The following RUNX2 variants were observed in gnomAD, a reference collection of about 807,000 sequenced individuals.
RUNX2 encodes the protein runt-related transcription factor 2.
Under a neutral mutation model 51.7 loss-of-function variants are expected in RUNX2, and 10 were observed. That is an observed-to-expected ratio of 0.19 (90% CI 0.12 to 0.33). The LOEUF (loss-of-function observed/expected upper bound fraction) is 0.33. RUNX2 is among the 10% of genes least tolerant of loss of function. The pLI, the probability that RUNX2 is intolerant of heterozygous loss-of-function variation, is 1.00. For missense variants in RUNX2, 562 were observed against 691.3 expected (o/e 0.81, Z 2.10); for synonymous variants, 276 against 273.6 (o/e 1.01, Z -0.09).
In RUNX2 at chr6:45,466,848, G is replaced by A. The variant is rs534092630; in HGVS notation, c.686-25093G>A. Among the ~76,000 whole-genome samples, 6 of 152,238 alleles carry A rather than the reference G, an allele frequency of 3.9e-5. No individual in the cohort carries two copies. The East Asian group carries it at 5.8e-4, about 15-fold the overall frequency. Reference sequence around the variant, plus strand: ...CTGCTTTGATTCAGTTCATTTATTCGACAGATAAGAAACTGACAAACAATT... The same window carrying A: ...CTGCTTTGATTCAGTTCATTTATTCAACAGATAAGAAACTGACAAACAATT... On this transcript the variant is annotated intron_variant, in intron 5 of 8. Transcript: ENST00000647337.
At chr6:45,404,275 G>GAAAAAGAAAAAAGAAAAAAAAAAGGAAA (rs1563071096) in intron 2 of RUNX2, among the ~76,000 whole-genome samples, 1 of 107,692 alleles carries the variant, frequency 9.3e-6, no homozygotes, top group Non-Finnish European at 1.9e-5. Flanking sequence ...AAAAAAAAAA[G>GAAAAAGAAAAAAGAAAAAAAAAAGGAAA]AAAAAGAAAA....
chr6:45,458,403 T>C (rs1465502304), intron 5 of RUNX2, among the ~76,000 whole-genome samples: 1 of 152,222 alleles, frequency 6.6e-6, no homozygotes, highest in African/African-American at 2.4e-5. Context: ...CTTACATTCT[T>C]GATGAAACTA....
intron 5 of RUNX2, among the ~76,000 whole-genome samples, chr6:45,469,260 CAA>C (rs1191258466): frequency 6.6e-6 from 1 of 152,158 alleles, no homozygotes; most frequent in Non-Finnish European, 1.5e-5. Context: ...CTATTAATAG[CAA>C]AGTGTCTTGC....
intron 2 of RUNX2, among the ~76,000 whole-genome samples, chr6:45,360,340 C>G (rs1380618802): frequency 6.6e-6 from 1 of 152,168 alleles, no homozygotes; most frequent in African/African-American, 2.4e-5. Flanking sequence ...ACAGCATGTT[C>G]TATACAAGCA....
chr6:45,407,665 T>C (rs1420410381), intron 2 of RUNX2, among the ~76,000 whole-genome samples: 4 of 151,958 alleles, frequency 2.6e-5, no homozygotes, highest in Admixed American at 6.6e-5. Context: ...AGCTAATTTT[T>C]TTTTTTGACT....
chr6:45,423,094 G>C (rs1798269068), intron 3 of RUNX2, 137 bp downstream of exon 3: 1 of 1,086,190 alleles, frequency 9.2e-7, no homozygotes, highest in African/African-American at 4.0e-5. Flanking sequence ...AGAAACCCCC[G>C]GCCGGGCCTC....
At position 45,547,896 on chromosome 6, in the gene RUNX2, G is replaced by GTT. The variant is rs398001403; in HGVS notation, c.*607_*608dup. 9.6e-5 allele frequency: 13 copies of GTT among 135,584 alleles called. No individual in the cohort carries two copies. Among genetic ancestry groups the GTT allele is most frequent in the Admixed American group, 1.5e-4 (2 of 13,454 alleles). The allele number at this position is 135,584 out of a possible 1,614,324, so 8.4% of individuals were successfully genotyped here. A position where few individuals can be genotyped will look rare whatever the true frequency, so the allele number is the denominator to read the frequency against. The stretch of plus-strand genomic sequence containing the variant: ...GGTCCTCATCTGAACTGTTGGGTTC[G>GTT]TTTTTTTTTTTTTTTTTCCTGCTCC... On this transcript the variant is annotated 3_prime_UTR_variant, in exon 9 of 9. Coordinates refer to ENST00000647337, the MANE Select transcript of RUNX2 (RefSeq NM_001024630.4).
chr6:45,550,876 A>G lies in RUNX2; in HGVS notation c.*3571A>G, dbSNP rs1183523126. 2.0e-5 allele frequency: 3 copies of G among 152,644 alleles called. No individual in the cohort carries two copies. Among genetic ancestry groups the G allele is most frequent in the African/African-American group, 7.2e-5 (3 of 41,452 alleles). 9.5% of individuals were successfully genotyped at this position (152,644 alleles called of 1,614,324 possible). On this transcript the variant is annotated 3_prime_UTR_variant, in exon 9 of 9. Transcript: ENST00000647337. The stretch of plus-strand genomic sequence containing the variant: ...TATTTTTTCCAATTGCTATTGCCCA[A>G]GAATTGCTTTCCATGCACATATTGT...
chr6:45,447,032 G>A (rs562254537), intron 5 of RUNX2, among the ~76,000 whole-genome samples: 1 of 152,312 alleles, frequency 6.6e-6, no homozygotes, highest in Non-Finnish European at 1.5e-5. Flanking sequence ...TAAAATTTAG[G>A]TTTAAGGCTT....
intron 4 of RUNX2, among the ~76,000 whole-genome samples, chr6:45,437,569 T>C (rs1798718978): frequency 1.3e-5 from 2 of 152,202 alleles, no homozygotes; most frequent in Admixed American, 6.5e-5. Flanking sequence ...GACCCAACCC[T>C]AAATAAAGAC....
chr6:45,439,498 C>G lies in RUNX2; in HGVS notation c.685+1447C>G, dbSNP rs558441347. ...AGATGTCTTCTAACTTTTGGTCAGA[C>G]TAGCCCCGGAATTCCTGAAAAGGCA... On this transcript the variant is annotated intron_variant, in intron 5 of 8. Transcript: ENST00000647337. 7.2e-5 allele frequency among the ~76,000 whole-genome samples: 11 copies of G among 152,304 alleles called. No homozygotes were observed. In the East Asian group the frequency reaches 1.4e-3, roughly 19 times the overall value.
At chr6:45,422,035 CGCGGAGGCGGCGGCGCGGGAGG>C (rs1033319316) in intron 2 of RUNX2, 5 of 147,990 alleles carry the variant, frequency 3.4e-5, no homozygotes, top group African/African-American at 9.8e-5. Context: ...CGGCGGCCGC[CGCGGAGGCGGCGGCGCGGGAGG>C]GCGGAGGCGC....
intron 3 of RUNX2, among the ~76,000 whole-genome samples, chr6:45,429,902 T>A (rs1393762608): frequency 1.3e-5 from 2 of 152,114 alleles, no homozygotes; most frequent in Non-Finnish European, 2.9e-5. Flanking sequence ...AAGACCAGCC[T>A]GGCCAACATG....
At chr6:45,364,325 C>T (rs1305303069) in intron 2 of RUNX2, among the ~76,000 whole-genome samples, 1 of 152,168 alleles carries the variant, frequency 6.6e-6, no homozygotes, top group South Asian at 2.1e-4. Flanking sequence ...ACTCATTTTA[C>T]CTTTTAACAG....
chr6:45,486,205 G>T lies in RUNX2; in HGVS notation c.686-5736G>T, dbSNP rs563247552. On this transcript the variant is annotated intron_variant, in intron 5 of 8. Transcript: ENST00000647337. ...ATATTCAGATTTTCTCAATTGATCC[G>T]CAATCATGGCATTTTAGTGATTGCC... 7.2e-5 allele frequency among the ~76,000 whole-genome samples: 11 copies of T among 152,102 alleles called. No individual in the cohort carries two copies. In the South Asian group the frequency reaches 1.7e-3, roughly 23 times the overall value.
intron 6 of RUNX2, among the ~76,000 whole-genome samples, chr6:45,505,198 G>A (rs1306824414): frequency 6.6e-6 from 1 of 152,148 alleles, no homozygotes; most frequent in Non-Finnish European, 1.5e-5. Context: ...TTTAACCAAA[G>A]TGTTTACAAA....
At chr6:45,391,482 A>C (rs1797469030) in intron 2 of RUNX2, among the ~76,000 whole-genome samples, 1 of 152,118 alleles carries the variant, frequency 6.6e-6, no homozygotes, top group South Asian at 2.1e-4. Flanking sequence ...TTTTCTTTAT[A>C]AATTACCCAG....
intron 2 of RUNX2, among the ~76,000 whole-genome samples, chr6:45,358,692 C>T (rs368083426): frequency 6.6e-6 from 1 of 152,066 alleles, no homozygotes; most frequent in East Asian, 1.9e-4. Flanking sequence ...AGTCTCTTAT[C>T]TGAAATATGT....
chr6:45,451,755 C>T (rs1387916411), intron 5 of RUNX2, among the ~76,000 whole-genome samples: 2 of 152,144 alleles, frequency 1.3e-5, no homozygotes, highest in African/African-American at 2.4e-5. Context: ...GTACAGGTTG[C>T]TGAAGGATGA....
Sources: gnomAD v4.1 joint callset for allele counts (sites outside exome capture counted in the v4.1 genomes callset) on GRCh38, gnomAD v4.1.1 for gene constraint, MANE v1.5 for transcripts, NCBI Gene and HGNC (gene_info 2026-07-23, HGNC 2026-07-21) for gene names.